SLC9D1: variants seen among roughly 807,000 people sequenced by gnomAD.
The protein encoded by SLC9D1 is putative LAG1-interacting protein.
the SLC9D1 span, among the ~76,000 whole-genome samples, chr13:113,499,217 C>T: frequency 4.7e-4 from 72 of 152,082 alleles, no homozygotes; most frequent in Non-Finnish European, 8.1e-4. Flanking sequence ...GCAGTGAGGA[C>T]GAGCAGAGGT....
At chr13:113,528,717 C>T in the SLC9D1 span, 19 of 146,900 alleles carry the variant, frequency 1.3e-4, no homozygotes, top group African/African-American at 5.2e-4. Flanking sequence ...TAAGAGGGTC[C>T]TTATGATAAG....
chr13:113,522,331 TTTG>T, the SLC9D1 span, among the ~76,000 whole-genome samples: 17 of 152,172 alleles, frequency 1.1e-4, no homozygotes, highest in Admixed American at 2.6e-4. Flanking sequence ...GTAATTTTTC[TTTG>T]TTGTTGTTGT....
At chr13:113,507,873 T>G in the SLC9D1 span, among the ~76,000 whole-genome samples, 1 of 152,258 alleles carries the variant, frequency 6.6e-6, no homozygotes, top group Non-Finnish European at 1.5e-5. Context: ...ATTTTGGGAT[T>G]TCAGGAGAAT....
At chr13:113,524,097 G>A in the SLC9D1 span, 3 of 454,782 alleles carry the variant, frequency 6.6e-6, no homozygotes, top group Non-Finnish European at 1.3e-5. Context: ...TGTTATTGTT[G>A]AGTGGAGTTT....
chr13:113,510,247 A>G, the SLC9D1 span: 6 of 1,614,018 alleles, frequency 3.7e-6, no homozygotes, highest in Non-Finnish European at 4.2e-6. Context: ...GGTGTGGAAG[A>G]TTTCCTTACA....
At chr13:113,524,526 A>G in the SLC9D1 span, among the ~76,000 whole-genome samples, 2 of 151,826 alleles carry the variant, frequency 1.3e-5, no homozygotes, top group Non-Finnish European at 2.9e-5. Context: ...AGTAGAGACA[A>G]GGTTTCGCCA....
the SLC9D1 span, among the ~76,000 whole-genome samples, chr13:113,519,184 C>A: frequency 6.6e-6 from 1 of 152,140 alleles, no homozygotes; most frequent in Middle Eastern, 3.4e-3. Context: ...GCTGGGACTG[C>A]AGGTGCCCGC....
chr13:113,515,330 G>A, the SLC9D1 span, among the ~76,000 whole-genome samples: 1 of 152,218 alleles, frequency 6.6e-6, no homozygotes, highest in African/African-American at 2.4e-5. Context: ...GATAGAAGAT[G>A]TGGAATGCAA....
the SLC9D1 span, among the ~76,000 whole-genome samples, chr13:113,542,512 A>G: frequency 6.6e-6 from 1 of 152,252 alleles, no homozygotes; most frequent in Non-Finnish European, 1.5e-5. Context: ...CACACAGGGC[A>G]AGTGGTGGGA....
chr13:113,539,557 G>C, the SLC9D1 span: 1 of 1,589,634 alleles, frequency 6.3e-7, no homozygotes, highest in South Asian at 1.1e-5. The surrounding 1 kb of genome is among the most constrained non-coding windows in gnomAD (Gnocchi z 4.8). Flanking sequence ...CGTATGCAGA[G>C]TGGTTCTGTA....
chr13:113,529,102 A>T, the SLC9D1 span: 1 of 152,260 alleles, frequency 6.6e-6, no homozygotes, highest in East Asian at 1.9e-4. Flanking sequence ...CAGGTCTAAC[A>T]TGCTGGCATA....
At chr13:113,547,822 T>C in the SLC9D1 span, among the ~76,000 whole-genome samples, 1 of 152,192 alleles carries the variant, frequency 6.6e-6, no homozygotes, top group Non-Finnish European at 1.5e-5. Context: ...TTCTGGCTCA[T>C]AGACAGTGAC....
chr13:113,524,371 G>A, the SLC9D1 span, among the ~76,000 whole-genome samples: 1 of 152,182 alleles, frequency 6.6e-6, no homozygotes, highest in African/African-American at 2.4e-5. Context: ...TCGAGACATA[G>A]TCTTGCTCTG....
the SLC9D1 span, among the ~76,000 whole-genome samples, chr13:113,549,231 T>A: frequency 6.6e-6 from 1 of 151,606 alleles, no homozygotes. Flanking sequence ...GCACTCGGCA[T>A]GACCGCGCTT....
At chr13:113,504,245 CT>C in the SLC9D1 span, 12 of 152,184 alleles carry the variant, frequency 7.9e-5, no homozygotes, top group Admixed American at 5.9e-4. Context: ...CCACGAAAGA[CT>C]TGGTCATTTT....
the SLC9D1 span, chr13:113,547,404 C>A: frequency 2.5e-6 from 4 of 1,584,734 alleles, no homozygotes; most frequent in Non-Finnish European, 3.5e-6. Flanking sequence ...GGTCCACGCC[C>A]CTCGCAGTTT....
chr13:113,544,349 G>T, the SLC9D1 span, among the ~76,000 whole-genome samples: 3 of 152,336 alleles, frequency 2.0e-5, no homozygotes, highest in South Asian at 6.2e-4. Context: ...CCGAAGGATG[G>T]CCCAGAAGGC....
At chr13:113,519,045 T>C in the SLC9D1 span, among the ~76,000 whole-genome samples, 3 of 55,536 alleles carry the variant, frequency 5.4e-5, no homozygotes, top group Admixed American at 4.4e-4. Flanking sequence ...TAACAGTAGC[T>C]TTTTTTTTTT....
the SLC9D1 span, chr13:113,539,472 G>A: frequency 2.5e-6 from 4 of 1,613,310 alleles, no homozygotes; most frequent in Middle Eastern, 1.6e-4. This position sits in a 1 kb window ranked among gnomAD's most constrained non-coding sequence, Gnocchi z 4.8. Flanking sequence ...GAACCCATCC[G>A]CGACTTCCTG....
Sources: allele counts gnomAD v4.1 joint callset (sites outside exome capture counted in the v4.1 genomes callset), GRCh38; gene constraint gnomAD v4.1.1; non-coding constraint Gnocchi (gnomAD v3.1); transcripts MANE v1.5; gene names NCBI Gene and HGNC (gene_info 2026-07-23, HGNC 2026-07-21).